VRK1: variants seen among roughly 807,000 people sequenced by gnomAD.
VRK1 encodes serine/threonine-protein kinase VRK1.
A neutral mutation model predicts 57.1 loss-of-function variants in VRK1; 33 were observed. The observed-to-expected ratio is 0.58, with a 90% CI of 0.44 to 0.77. The LOEUF is 0.77. Ranked by LOEUF, VRK1 falls within the 30% of genes least tolerant of loss-of-function variation. VRK1 has a pLI of 0.00. For missense variants in VRK1, 413 were observed against 477.3 expected (o/e 0.87, Z 1.25); for synonymous variants, 137 against 147.8 (o/e 0.93, Z 0.53).
intron 10 of VRK1, among the ~76,000 whole-genome samples, chr14:96,858,651 C>T (rs1322036234): frequency 6.6e-6 from 1 of 152,154 alleles, no homozygotes; most frequent in Non-Finnish European, 1.5e-5. Flanking sequence ...AAAGACCATT[C>T]TTTCCCTTTG....
chr14:96,840,984 C>T (rs1231452546), intron 3 of VRK1, among the ~76,000 whole-genome samples: 2 of 151,762 alleles, frequency 1.3e-5, no homozygotes, highest in Non-Finnish European at 2.9e-5. Flanking sequence ...GCCTCTCTAG[C>T]AGCTGGGACT....
intron 11 of VRK1, among the ~76,000 whole-genome samples, chr14:96,867,969 T>C (rs1359288097): frequency 2.0e-5 from 3 of 152,206 alleles, no homozygotes; most frequent in Non-Finnish European, 2.9e-5. Flanking sequence ...TCTGTTTTGG[T>C]TCTGTGATAT....
At chr14:96,876,244 T>G in intron 12 of VRK1, 124 bp downstream of exon 12, 2 of 834,122 alleles carry the variant, frequency 2.4e-6, no homozygotes, top group Non-Finnish European at 4.1e-6. Context: ...TACCACAAGA[T>G]TTTTATATAG....
At chr14:96,881,093 ATATT>A (rs1292874884) in intron 12 of VRK1, 80 bp from the exon 13 acceptor site, 7 of 1,150,918 alleles carry the variant, frequency 6.1e-6, no homozygotes, top group African/African-American at 3.1e-5. Flanking sequence ...GTTAATAACT[ATATT>A]TAGGGATATT....
In VRK1 at chr14:96,833,321, A is replaced by G. The variant is rs1005770101; in HGVS notation, c.-5-146A>G. 8.6e-6 allele frequency: 7 copies of G among 814,702 alleles called. No homozygotes were observed. The highest frequency in any genetic ancestry group is 5.3e-5 in the Admixed American group (2 of 37,556). The allele number at this position is 814,702 out of a possible 1,614,324, so 50.5% of individuals were successfully genotyped here. On this transcript the variant is annotated intron_variant, in intron 1 of 12. Coordinates refer to ENST00000216639, the MANE Select transcript of VRK1 (RefSeq NM_003384.3). ...ATAATCAAATAGGATTTGAGCCATT[A>G]TAAGTCAGAATTAACAGGTATCCTT...
chr14:96,803,975 T>C (rs1281436904), intron 1 of VRK1, among the ~76,000 whole-genome samples: 1 of 152,228 alleles, frequency 6.6e-6, no homozygotes, highest in Non-Finnish European at 1.5e-5. Context: ...GTCTCTGGCT[T>C]GTCTTTTCAT....
At chr14:96,862,598 A>G (rs1399045917) in intron 11 of VRK1, among the ~76,000 whole-genome samples, 2 of 148,856 alleles carry the variant, frequency 1.3e-5, no homozygotes, top group African/African-American at 2.5e-5. Flanking sequence ...TTTTCTTCAT[A>G]TAATTTGTAA....
intron 12 of VRK1, among the ~76,000 whole-genome samples, chr14:96,877,207 C>T (rs946338399): frequency 6.6e-6 from 1 of 152,038 alleles, no homozygotes; most frequent in Admixed American, 6.6e-5. Context: ...TTTTACCTTC[C>T]TTTTGCTAGT....
intron 5 of VRK1, among the ~76,000 whole-genome samples, chr14:96,851,838 A>G (rs1214249836): frequency 6.6e-6 from 1 of 152,224 alleles, no homozygotes; most frequent in Non-Finnish European, 1.5e-5. Context: ...TAAATGCATT[A>G]ATAACGTTTT....
chr14:96,876,178 C>T, intron 12 of VRK1, 58 bp downstream of exon 12: 1 of 1,538,446 alleles, frequency 6.5e-7, no homozygotes, highest in African/African-American at 1.4e-5. Flanking sequence ...TTCATTTCCT[C>T]CCATTAGATG....
chr14:96,812,576 A>G (rs141706061), intron 1 of VRK1, among the ~76,000 whole-genome samples: 99 of 152,230 alleles, frequency 6.5e-4, no homozygotes, highest in African/African-American at 2.3e-3. Flanking sequence ...CAAATCCTTT[A>G]CCCATTTTTA....
At chr14:96,861,275 T>C (rs1888380473) in intron 11 of VRK1, among the ~76,000 whole-genome samples, 1 of 152,172 alleles carries the variant, frequency 6.6e-6, no homozygotes, top group Non-Finnish European at 1.5e-5. Context: ...TAATGAACTT[T>C]ATGGTAGAAG....
chr14:96,833,642 G>A lies in VRK1; in HGVS notation c.160+11G>A. 1.2e-6 allele frequency: 2 copies of A among 1,613,366 alleles called. No homozygotes were observed. The highest frequency in any genetic ancestry group is 1.7e-6 in the Non-Finnish European group (2 of 1,179,486). Reference sequence around the variant, plus strand: ...GCTGTATATATCTTGGTAAGTGTGTGACTGCTTCTAATGATCAATCCAAAG... The same window carrying A: ...GCTGTATATATCTTGGTAAGTGTGTAACTGCTTCTAATGATCAATCCAAAG... On this transcript the variant is annotated intron_variant, in intron 2 of 12. Transcript: ENST00000216639.
At chr14:96,880,006 A>T (rs1288209434) in intron 12 of VRK1, among the ~76,000 whole-genome samples, 1 of 152,054 alleles carries the variant, frequency 6.6e-6, no homozygotes, top group Non-Finnish European at 1.5e-5. Context: ...TTTTTAATAG[A>T]TGGCCGTGTT....
intron 11 of VRK1, among the ~76,000 whole-genome samples, chr14:96,862,580 G>A (rs1451234735): frequency 6.9e-6 from 1 of 144,524 alleles, no homozygotes; most frequent in African/African-American, 2.6e-5. Flanking sequence ...CTTTTAAACT[G>A]CAGAACATTT....
At chr14:96,879,852 C>T (rs1031743481) in intron 12 of VRK1, among the ~76,000 whole-genome samples, 1 of 151,746 alleles carries the variant, frequency 6.6e-6, no homozygotes, top group Non-Finnish European at 1.5e-5. Context: ...TCACTTGAAC[C>T]CAGGAGGCGG....
At chr14:96,869,500 GA>G (rs1477011755) in intron 11 of VRK1, among the ~76,000 whole-genome samples, 1 of 152,160 alleles carries the variant, frequency 6.6e-6, no homozygotes, top group East Asian at 1.9e-4. Context: ...AATAGTAAAC[GA>G]TTATGAATTG....
At chr14:96,801,675 A>G (rs2139676133) in intron 1 of VRK1, among the ~76,000 whole-genome samples, 1 of 152,344 alleles carries the variant, frequency 6.6e-6, no homozygotes, top group South Asian at 2.1e-4. Context: ...AGCCCTACCA[A>G]TAGCATAAAC....
At chr14:96,815,008 CGTGA>C (rs1306597994) in intron 1 of VRK1, among the ~76,000 whole-genome samples, 1 of 152,084 alleles carries the variant, frequency 6.6e-6, no homozygotes, top group African/African-American at 2.4e-5. Context: ...TTTGACAGTA[CGTGA>C]GTATCCCTGC....
Sources: gnomAD v4.1 joint callset for allele counts (sites outside exome capture counted in the v4.1 genomes callset) on GRCh38, gnomAD v4.1.1 for gene constraint, MANE v1.5 for transcripts, NCBI Gene and HGNC (gene_info 2026-07-23, HGNC 2026-07-21) for gene names.